RANBP2: variants seen among roughly 807,000 people sequenced by gnomAD.
RANBP2 encodes RAN binding protein 2.
Under a neutral mutation model 303.6 loss-of-function variants are expected in RANBP2, and 57 were observed. The observed-to-expected ratio is 0.19, with a 90% CI of 0.15 to 0.23. The LOEUF (loss-of-function observed/expected upper bound fraction) is 0.23, where lower values mean the gene tolerates loss of function less well. RANBP2 is among the 10% of genes least tolerant of loss of function. The pLI is 1.00. For synonymous variants in RANBP2, 1,167 were observed against 1,301.5 expected, an observed-to-expected ratio of 0.90 and a Z score of 2.23; for missense variants, 3,138 against 3,780.8, an observed-to-expected ratio of 0.83 and a Z score of 4.46.
chr2:109,706,159 T>C, the RANBP2 span, among the ~76,000 whole-genome samples: 1 of 152,238 alleles, frequency 6.6e-6, no homozygotes, highest in Non-Finnish European at 1.5e-5. Flanking sequence ...TCTGTTCTTC[T>C]GCCCCTGTCC....
chr2:109,530,473 C>T, the RANBP2 span, among the ~76,000 whole-genome samples: 1 of 152,092 alleles, frequency 6.6e-6, no homozygotes, highest in African/African-American at 2.4e-5. Flanking sequence ...AGGCTCAGAA[C>T]AATAAAATAG....
At chr2:109,181,044 A>C in the RANBP2 span, among the ~76,000 whole-genome samples, 1 of 152,200 alleles carries the variant, frequency 6.6e-6, no homozygotes, top group African/African-American at 2.4e-5. Flanking sequence ...TTTGATGGCC[A>C]GCCCGCTGTG....
At chr2:109,652,041 C>G in the RANBP2 span, among the ~76,000 whole-genome samples, 7 of 152,270 alleles carry the variant, frequency 4.6e-5, no homozygotes, top group South Asian at 1.5e-3. Flanking sequence ...CAGCACAGTA[C>G]CATTCCTGAG....
At chr2:109,356,662 C>T in the RANBP2 span, among the ~76,000 whole-genome samples, 1 of 152,164 alleles carries the variant, frequency 6.6e-6, no homozygotes, top group Non-Finnish European at 1.5e-5. Context: ...GAGGAGCAAC[C>T]TGACCCTGCT....
chr2:109,168,260 A>T, the RANBP2 span, among the ~76,000 whole-genome samples: 1 of 152,178 alleles, frequency 6.6e-6, no homozygotes, highest in African/African-American at 2.4e-5. Context: ...TCACCACCTG[A>T]TGGGGTCTGA....
chr2:109,234,050 C>G, the RANBP2 span, among the ~76,000 whole-genome samples: 1 of 152,166 alleles, frequency 6.6e-6, no homozygotes, highest in African/African-American at 2.4e-5. Context: ...GTTTCCATTT[C>G]TCTTGGATAA....
At chr2:109,774,499 C>CAT in the RANBP2 span, among the ~76,000 whole-genome samples, 14 of 1,680 alleles carry the variant, frequency 8.3e-3, no homozygotes, top group Admixed American at 0.024. Flanking sequence ...CAAAAACAAA[C>CAT]ATATATATAT....
At chr2:109,690,553 G>A in the RANBP2 span, among the ~76,000 whole-genome samples, 1 of 152,158 alleles carries the variant, frequency 6.6e-6, no homozygotes, top group Admixed American at 6.5e-5. Flanking sequence ...TCCTTTCACA[G>A]TAGCCTTATT....
At chr2:109,411,674 C>T in the RANBP2 span, among the ~76,000 whole-genome samples, 2 of 152,122 alleles carry the variant, frequency 1.3e-5, no homozygotes, top group Non-Finnish European at 2.9e-5. Context: ...GCAGGATGTC[C>T]CTCGCACCCC....
chr2:109,705,009 G>A, the RANBP2 span, among the ~76,000 whole-genome samples: 1 of 151,878 alleles, frequency 6.6e-6, no homozygotes, highest in Non-Finnish European at 1.5e-5. Context: ...AATGATATTG[G>A]CAAATTAAAA....
At chr2:109,381,067 G>A in the RANBP2 span, among the ~76,000 whole-genome samples, 4 of 152,212 alleles carry the variant, frequency 2.6e-5, no homozygotes, top group Non-Finnish European at 5.9e-5. Flanking sequence ...CTTCCTCCAC[G>A]GGTCTACCAA....
the RANBP2 span, among the ~76,000 whole-genome samples, chr2:108,920,081 A>G: frequency 1.3e-5 from 2 of 152,176 alleles, no homozygotes; most frequent in Non-Finnish European, 2.9e-5. Flanking sequence ...CCTCATCTGA[A>G]TCTCTTTCCC....
the RANBP2 span, chr2:109,732,896 G>T: frequency 2.2e-6 from 2 of 929,248 alleles, no homozygotes; most frequent in Non-Finnish European, 3.5e-6. Flanking sequence ...CTGAGAACTA[G>T]ATGGAAGAAC....
chr2:109,242,491 AGGCACTGATTGGCCACT>A, the RANBP2 span, among the ~76,000 whole-genome samples: 11 of 152,178 alleles, frequency 7.2e-5, no homozygotes, highest in African/African-American at 2.4e-4. Context: ...CCAGTGACAC[AGGCACTGATTGGCCACT>A]GGAGAAGCGG....
chr2:109,626,167 T>A, the RANBP2 span, among the ~76,000 whole-genome samples: 5 of 152,160 alleles, frequency 3.3e-5, no homozygotes, highest in Non-Finnish European at 7.3e-5. Context: ...CAGTAACATC[T>A]AGATGATAAC....
chr2:109,466,423 G>A, the RANBP2 span, among the ~76,000 whole-genome samples: 1 of 152,092 alleles, frequency 6.6e-6, no homozygotes. Context: ...TCTTTGCTGA[G>A]TTTTTAATTG....
the RANBP2 span, among the ~76,000 whole-genome samples, chr2:108,983,930 C>T: frequency 2.6e-5 from 4 of 152,182 alleles, no homozygotes; most frequent in East Asian, 1.9e-4. Flanking sequence ...GAGGAGGAAG[C>T]GAGTGCAGCT....
At chr2:109,479,551 G>A in the RANBP2 span, among the ~76,000 whole-genome samples, 110 of 152,000 alleles carry the variant, frequency 7.2e-4, 1 homozygote, top group Non-Finnish European at 1.4e-3. Flanking sequence ...AGCTTCCACC[G>A]GCCTCATGGG....
the RANBP2 span, among the ~76,000 whole-genome samples, chr2:109,377,844 G>A: frequency 6.6e-6 from 1 of 152,322 alleles, no homozygotes; most frequent in Non-Finnish European, 1.5e-5. Flanking sequence ...TTTACAAAGA[G>A]AGGCTATTAT....
Sources: allele counts gnomAD v4.1 joint callset (sites outside exome capture counted in the v4.1 genomes callset), GRCh38; gene constraint gnomAD v4.1.1; transcripts MANE v1.5; gene names NCBI Gene and HGNC (gene_info 2026-07-23, HGNC 2026-07-21).